Variants in MKKS observed in about 807,000 individuals in gnomAD.
MKKS encodes MKKS centrosomal shuttling protein.
MKKS carries 29 observed loss-of-function variants against 33.2 expected under a neutral mutation model. The ratio of observed to expected loss-of-function variants is 0.87; its 90% CI spans 0.65 to 1.19. The LOEUF (loss-of-function observed/expected upper bound fraction) is 1.19. Ranked by LOEUF, MKKS falls within the 50% of genes most tolerant of loss-of-function variation. The pLI, the probability that MKKS is intolerant of heterozygous loss-of-function variation, is 0.00. For synonymous variants in MKKS, 260 were observed against 244.0 expected (o/e 1.07, Z -0.61); for missense variants, 661 against 662.3 (o/e 1.00, Z 0.02).
chr20:10,423,040 T>C (rs1259718043), intron 1 of MKKS, among the ~76,000 whole-genome samples: 3 of 152,226 alleles, frequency 2.0e-5, no homozygotes, highest in African/African-American at 7.2e-5. Flanking sequence ...TAAGAGCCAT[T>C]TCTGCCATTC....
rs1482372984 is a variant in MKKS at position 10,405,249 on chromosome 20, AGTTTTT to A, written c.1705_1710del (p.Lys569_Asn570del). 17 of 1,606,880 alleles carry A rather than the reference AGTTTTT, an allele frequency of 1.1e-5. No homozygotes were observed. Among genetic ancestry groups the A allele is most frequent in the Non-Finnish European group, 1.4e-5 (17 of 1,175,622 alleles). On this transcript the variant is annotated inframe_deletion, in exon 6 of 6. Transcript: ENST00000347364. ...TGTAATACGAACATGCTATTCTCTTAGTTTTTATCTTCAATAACATATGAAAGATCC... is the reference window on the plus strand; with the variant it reads ...TGTAATACGAACATGCTATTCTCTTAATCTTCAATAACATATGAAAGATCC...
Position 10,413,430 on chromosome 20 carries a change from A to G in MKKS, c.85T>C (p.Leu29=). 6.2e-7 allele frequency: 1 copy of G among 1,613,536 alleles called. No individual in the cohort carries two copies. The highest frequency in any genetic ancestry group is 1.1e-5 in the South Asian group (1 of 91,070). Residue 29 remains leucine, a synonymous_variant, in exon 3 of 6, where the codon TTG becomes CTG. Transcript: ENST00000347364. ...TAGCATGATGTTACAATTCTTTTCA[A>G]GACAGAAAGTGTGGTCCTGACTCTC... ...TERVRTTLSV[L]KRIVTSCYGP...
Position 10,413,936 on chromosome 20 carries a change from T to C in MKKS, c.-417-5A>G, listed in dbSNP as rs2122237655. ...GATTCAAAGCTGCTTCTTTACCTAA[T>C]AAATAATAAAAAAAACATTTTAGAG... On this transcript the variant is annotated splice_polypyrimidine_tract_variant and splice_region_variant and intron_variant, in intron 2 of 5. Coordinates refer to ENST00000347364, the MANE Select transcript of MKKS (RefSeq NM_170784.3). 2 of 406,012 alleles carry C rather than the reference T, an allele frequency of 4.9e-6. No individual in the cohort carries two copies. Among genetic ancestry groups the C allele is most frequent in the African/African-American group, 4.1e-5 (2 of 48,768 alleles). The allele number at this position is 406,012 out of a possible 1,614,324, so 25.2% of individuals were successfully genotyped here. A position where few individuals can be genotyped will look rare whatever the true frequency, so the allele number is the denominator to read the frequency against.
chr20:10,407,656 C>A lies in MKKS; in HGVS notation c.1232G>T (p.Gly411Val). Residue 411 changes from glycine (G) to valine (V), a missense_variant, in exon 5 of 6, where the codon GGC (glycine) becomes GTC (valine). Physicochemically the swap from Gly to Val is moderately radical, Grantham distance 109. Coordinates refer to ENST00000347364, the MANE Select transcript of MKKS (RefSeq NM_170784.3). Reference sequence around the variant, plus strand: ...TGCAGCCAAATGAGTTTCAGTACAGCCACCTCCCAACAAAGCCCATGGTTC... The same window carrying A: ...TGCAGCCAAATGAGTTTCAGTACAGACACCTCCCAACAAAGCCCATGGTTC... ...LKEPWALLGG[G>V]CTETHLAAYI... is the part of the protein sequence containing the mutation. The A allele has an allele frequency of 6.2e-7, 1 of 1,613,994 alleles. No homozygotes were observed. Among genetic ancestry groups the A allele is most frequent in the Non-Finnish European group, 8.5e-7 (1 of 1,179,920 alleles).
chr20:10,416,754 GA>G (rs1468968425), intron 2 of MKKS, among the ~76,000 whole-genome samples: 1 of 152,190 alleles, frequency 6.6e-6, no homozygotes. Flanking sequence ...AACCCCTAAT[GA>G]AATAGTGCAT....
intron 2 of MKKS, among the ~76,000 whole-genome samples, 190 bp from the exon 3 acceptor site, chr20:10,414,121 C>T (rs929178416): frequency 6.6e-6 from 1 of 152,140 alleles, no homozygotes; most frequent in African/African-American, 2.4e-5. Context: ...AATAAATCCC[C>T]TCTACAAGAA....
At chr20:10,425,788 A>G (rs548238661) in intron 1 of MKKS, among the ~76,000 whole-genome samples, 79 of 149,872 alleles carry the variant, frequency 5.3e-4, no homozygotes, top group African/African-American at 1.9e-3. Context: ...GAGCAAAGCA[A>G]CAAGAGAAAT....
rs201950418 is a variant in MKKS, at chr20:10,416,315, GATTATAGGT to G, written c.-417-2393_-417-2385del. Reference sequence around the variant, plus strand: ...AATGGAGTTCTTTGGCAAAAAGAATGATTATAGGTATGAGGTAAGAAATACACAAGGTAA... The same window carrying G: ...AATGGAGTTCTTTGGCAAAAAGAATGATGAGGTAAGAAATACACAAGGTAA... On this transcript the variant is annotated intron_variant, in intron 2 of 5. Transcript: ENST00000347364. 1.3e-3 allele frequency among the ~76,000 whole-genome samples: 205 copies of G among 152,238 alleles called. 4 individuals are homozygous for G. The East Asian group carries it at 0.031, about 23-fold the overall frequency.
At position 10,411,207 on chromosome 20, in the gene MKKS, C is replaced by T. The variant is rs578120454; in HGVS notation, c.985+1323G>A. On this transcript the variant is annotated intron_variant, in intron 3 of 5. Coordinates refer to ENST00000347364, the MANE Select transcript of MKKS (RefSeq NM_170784.3). ...TTCACCATGTTGGCCAGGATGGTCTCGATCTCCTGACCTTGTGATCCGCTC... is the reference window on the plus strand; with the variant it reads ...TTCACCATGTTGGCCAGGATGGTCTTGATCTCCTGACCTTGTGATCCGCTC... Among the ~76,000 whole-genome samples the T allele has an allele frequency of 6.6e-5, 10 of 151,846 alleles. No individual in the cohort carries two copies. The East Asian group carries it at 1.4e-3, about 21-fold the overall frequency.
At chr20:10,417,581 G>A (rs956338451) in intron 2 of MKKS, among the ~76,000 whole-genome samples, 1 of 151,916 alleles carries the variant, frequency 6.6e-6, no homozygotes, top group Admixed American at 6.6e-5. Context: ...CTGCACTGTA[G>A]CCTGGGTGAC....
At position 10,404,084 on chromosome 20, in the gene MKKS, T is replaced by G. The variant is rs1453940879; in HGVS notation, c.*1163A>C. 1 of 152,234 alleles carries G rather than the reference T, an allele frequency of 6.6e-6. No homozygotes were observed. Among genetic ancestry groups the G allele is most frequent in the Admixed American group, 6.5e-5 (1 of 15,288 alleles). 9.4% of individuals were successfully genotyped at this position (152,234 alleles called of 1,614,324 possible). ...AGTTTAATACAACATTTGTTATAGC[T>G]CCATGCTTATTCATGTGGCTGCCTT... On this transcript the variant is annotated 3_prime_UTR_variant, in exon 6 of 6. Coordinates refer to ENST00000347364, the MANE Select transcript of MKKS (RefSeq NM_170784.3).
intron 1 of MKKS, among the ~76,000 whole-genome samples, chr20:10,433,878 G>A (rs895146086): frequency 1.2e-4 from 18 of 152,188 alleles, no homozygotes; most frequent in Admixed American, 1.3e-4. Flanking sequence ...AGACCTCCTC[G>A]CCGCCCGCAT....
At chr20:10,423,002 C>T (rs755483915) in intron 1 of MKKS, among the ~76,000 whole-genome samples, 14 of 152,084 alleles carry the variant, frequency 9.2e-5, no homozygotes, top group Non-Finnish European at 1.9e-4. Flanking sequence ...TGAGCCACTG[C>T]GCCCGGCCCT....
At chr20:10,406,342 C>A (rs1381213585) in intron 5 of MKKS, among the ~76,000 whole-genome samples, 1 of 152,170 alleles carries the variant, frequency 6.6e-6, no homozygotes, top group African/African-American at 2.4e-5. Flanking sequence ...CAATGATAGA[C>A]TGCATATACA....
At chr20:10,430,052 CA>C (rs2065043986) in intron 1 of MKKS, among the ~76,000 whole-genome samples, 1 of 152,034 alleles carries the variant, frequency 6.6e-6, no homozygotes, top group African/African-American at 2.4e-5. Flanking sequence ...AAAACAAAAA[CA>C]AAAACAAATC....
At chr20:10,428,189 G>C (rs1243037527) in intron 1 of MKKS, among the ~76,000 whole-genome samples, 1 of 152,222 alleles carries the variant, frequency 6.6e-6, no homozygotes, top group African/African-American at 2.4e-5. Flanking sequence ...AATGGTTGTA[G>C]TGGTTTATAG....
intron 2 of MKKS, among the ~76,000 whole-genome samples, chr20:10,419,734 C>T (rs2064966603): frequency 6.6e-6 from 1 of 152,152 alleles, no homozygotes; most frequent in African/African-American, 2.4e-5. Flanking sequence ...AAGTGACTAA[C>T]GAGCAGGTAG....
chr20:10,420,434 A>G (rs2064971682), intron 2 of MKKS, 94 bp downstream of exon 2: 1 of 152,346 alleles, frequency 6.6e-6, no homozygotes. Context: ...TAACTTACCA[A>G]TTTAGGCTTT....
At chr20:10,430,572 G>A (rs563912887) in intron 1 of MKKS, among the ~76,000 whole-genome samples, 1 of 152,304 alleles carries the variant, frequency 6.6e-6, no homozygotes, top group South Asian at 2.1e-4. Context: ...ATAAAGGAAG[G>A]CCCACTTCTC....
Sources: gnomAD v4.1 joint callset for allele counts (sites outside exome capture counted in the v4.1 genomes callset) on GRCh38, gnomAD v4.1.1 for gene constraint, MANE v1.5 for transcripts, NCBI Gene and HGNC (gene_info 2026-07-23, HGNC 2026-07-21) for gene names.